MACF1: variants seen among roughly 807,000 people sequenced by gnomAD.
The protein encoded by MACF1 is microtubule-actin cross-linking factor 1.
Under a neutral mutation model 854.8 loss-of-function variants are expected in MACF1, and 193 were observed. That is an observed-to-expected ratio of 0.23 (90% CI 0.20 to 0.25). MACF1 has a LOEUF of 0.25. MACF1 is among the 10% of genes least tolerant of loss of function. The pLI is 1.00. For missense variants in MACF1, 7,722 were observed against 8,929.1 expected, an observed-to-expected ratio of 0.86 and a Z score of 5.45; for synonymous variants, 3,185 against 3,226.7, an observed-to-expected ratio of 0.99 and a Z score of 0.44.
rs777731862 is a variant in MACF1, at chr1:39,315,573, G to C, written c.3331G>C (p.Asp1111His). The C allele has an allele frequency of 6.2e-7, 1 of 1,614,164 alleles. No homozygotes were observed. Among genetic ancestry groups the C allele is most frequent in the Non-Finnish European group, 8.5e-7 (1 of 1,180,016 alleles). The change falls in exon 27 of 101, where the codon GAC becomes CAC. Residue 1111 changes from aspartate (D) to histidine (H), a missense_variant. Around this residue, in one of 15 missense-constraint regions of MACF1, gnomAD observed 1,137 missense variants for 1,263.0 expected, o/e 0.90. Coordinates refer to ENST00000564288, the MANE Select transcript of MACF1 (RefSeq NM_001394062.1). ...CTTGGATGCAGTTTCTATGAAATGT[G>C]ACAGCTTTCTCCATCAGTCTCCATC... ...SDLDAVSMKC[D>H]SFLHQSPSSS...
At chr1:39,464,428 A>C (rs1270411428) in intron 94 of MACF1, 1 of 153,142 alleles carries the variant, frequency 6.5e-6, no homozygotes, top group Non-Finnish European at 1.5e-5. Flanking sequence ...CCCATGCTGC[A>C]GTCTCCTGAG....
intron 2 of MACF1, among the ~76,000 whole-genome samples, chr1:39,117,354 C>CGCCACAGTGT (rs1642573286): frequency 6.6e-6 from 1 of 152,126 alleles, no homozygotes; most frequent in South Asian, 2.1e-4. Flanking sequence ...TTGCCATGTT[C>CGCCACAGTGT]GCCACAGTGT....
intron 2 of MACF1, among the ~76,000 whole-genome samples, chr1:39,133,025 T>A (rs1643048514): frequency 6.6e-6 from 1 of 152,206 alleles, no homozygotes; most frequent in African/African-American, 2.4e-5. Flanking sequence ...ACTCAGCCCT[T>A]TTTGTGCCTA....
chr1:39,094,138 G>T (rs1641879318), intron 2 of MACF1, among the ~76,000 whole-genome samples: 1 of 152,034 alleles, frequency 6.6e-6, no homozygotes, highest in Non-Finnish European at 1.5e-5. Flanking sequence ...CTGTGCTTCT[G>T]ACTGACTGGC....
At chr1:39,310,011 A>AT (rs1646269145) in intron 24 of MACF1, among the ~76,000 whole-genome samples, 1 of 152,210 alleles carries the variant, frequency 6.6e-6, no homozygotes, top group African/African-American at 2.4e-5. Context: ...CTTGTGAACA[A>AT]TTATTAAGAG....
In MACF1 at chr1:39,265,252, T is replaced by C. The variant is rs79413694; in HGVS notation, c.528+7224T>C. On this transcript the variant is annotated intron_variant, in intron 6 of 100. Coordinates refer to ENST00000564288, the MANE Select transcript of MACF1 (RefSeq NM_001394062.1). Reference sequence around the variant, plus strand: ...TGAGGCACCATTTGTGTTTTTGGAATGAATGAATGAATGAGTTCTTTTGCT... The same window carrying C: ...TGAGGCACCATTTGTGTTTTTGGAACGAATGAATGAATGAGTTCTTTTGCT... Among the ~76,000 whole-genome samples, 1,452 of 152,218 alleles carry C rather than the reference T, an allele frequency of 9.5e-3. 24 individuals are homozygous for C. Among genetic ancestry groups the C allele is most frequent in the African/African-American group, 0.033 (1,380 of 41,532 alleles).
intron 38 of MACF1, among the ~76,000 whole-genome samples, chr1:39,340,188 AC>A (rs1356380705): frequency 3.3e-5 from 5 of 152,176 alleles, no homozygotes; most frequent in Admixed American, 3.3e-4. Flanking sequence ...GAGGGAGCAC[AC>A]TGCACTGAGT....
At position 39,336,450 on chromosome 1, in the gene MACF1, C is replaced by T. The variant is rs1646811792; in HGVS notation, c.9862C>T (p.Gln3288Ter). ...GTCTCAAAAAGAGAATACAGGGCAA[C>T]AGAATGCCATCATTAGTCCTACTGT... The part of the protein sequence containing the change: ...GVSQKENTGQ[Q>*]NAIISPTVLE... The change falls in exon 37 of 101, where the codon CAG (glutamine) becomes TAG (stop). Residue 3288 changes from glutamine (Q) to a stop codon, truncating the protein, a stop_gained. Transcript: ENST00000564288. LOFTEE classifies it high-confidence loss of function. 2 of 1,614,098 alleles carry T rather than the reference C, an allele frequency of 1.2e-6. No individual in the cohort carries two copies. The highest frequency in any genetic ancestry group is 1.7e-6 in the Non-Finnish European group (2 of 1,179,974).
chr1:39,322,595 C>G lies in MACF1; in HGVS notation c.4030-13C>G. The G allele has an allele frequency of 6.3e-7, 1 of 1,599,668 alleles. No individual in the cohort carries two copies. Among genetic ancestry groups the G allele is most frequent in the Non-Finnish European group, 8.6e-7 (1 of 1,167,036 alleles). The stretch of plus-strand genomic sequence containing the variant: ...AACCCTGAGTAACTGTAGCGAAATT[C>G]ATCCTTTCCTAGGACTATGAATTGC... On this transcript the variant is annotated splice_polypyrimidine_tract_variant and intron_variant, in intron 31 of 100. Coordinates refer to ENST00000564288, the MANE Select transcript of MACF1 (RefSeq NM_001394062.1).
chr1:39,387,934 A>G lies in MACF1; in HGVS notation c.15092A>G (p.His5031Arg), dbSNP rs759644609. The G allele has an allele frequency of 1.2e-6, 2 of 1,614,006 alleles. No individual in the cohort carries two copies. The highest frequency in any genetic ancestry group is 2.2e-5 in the South Asian group (2 of 91,082). The change falls in exon 58 of 101, where the codon CAC becomes CGC. Residue 5031 changes from histidine to arginine, a missense_variant. Coordinates refer to ENST00000564288, the MANE Select transcript of MACF1 (RefSeq NM_001394062.1). ...GAAAAGAAGGTTGAAGGAGCCAAACACCAACTTGAGATCTTTGATGCTCTG... is the reference window on the plus strand; with the variant it reads ...GAAAAGAAGGTTGAAGGAGCCAAACGCCAACTTGAGATCTTTGATGCTCTG... ...NIEKKVEGAK[H>R]QLEIFDALGS...
chr1:39,152,104 A>T (rs555939928), intron 2 of MACF1, among the ~76,000 whole-genome samples: 144 of 152,154 alleles, frequency 9.5e-4, no homozygotes, highest in Admixed American at 2.0e-3. Context: ...CCTCCCAAGT[A>T]GCTGGGATTA....
intron 2 of MACF1, among the ~76,000 whole-genome samples, chr1:39,145,492 A>G (rs1399050593): frequency 1.3e-5 from 2 of 151,702 alleles, no homozygotes; most frequent in Non-Finnish European, 2.9e-5. Context: ...CTTTAAGCTT[A>G]TCTCTTCTTC....
In MACF1 at chr1:39,387,968, A is replaced by C. The variant is rs147777128; in HGVS notation, c.15126A>C (p.Gln5042His). 4.9e-3 allele frequency: 7,959 copies of C among 1,614,076 alleles called. 34 individuals are homozygous for C. The highest frequency in any genetic ancestry group is 5.9e-3 in the Non-Finnish European group (6,969 of 1,180,014). Residue 5042 changes from glutamine to histidine, a missense_variant, in exon 58 of 101, where the codon CAA becomes CAC. Around this residue, in one of 15 missense-constraint regions of MACF1, gnomAD observed 2,807 missense variants for 3,235.8 expected, o/e 0.87. Coordinates refer to ENST00000564288, the MANE Select transcript of MACF1 (RefSeq NM_001394062.1). The stretch of plus-strand genomic sequence containing the variant: ...AGATCTTTGATGCTCTGGGTTCTCA[A>C]GCCTGTAGCAACAAGAACCTGGAGA... Reference protein sequence around the residue: ...QLEIFDALGSQACSNKNLEKL... With the variant: ...QLEIFDALGSHACSNKNLEKL...
intron 1 of MACF1, among the ~76,000 whole-genome samples, chr1:39,220,840 A>C (rs1466997110): frequency 6.6e-6 from 1 of 152,180 alleles, no homozygotes; most frequent in Non-Finnish European, 1.5e-5. Flanking sequence ...CAATTCAGAT[A>C]CAGAAATGGA....
intron 51 of MACF1, among the ~76,000 whole-genome samples, chr1:39,371,319 CAAAA>C (rs764951315): frequency 1.4e-4 from 11 of 81,276 alleles, no homozygotes; most frequent in Admixed American, 2.6e-4. Context: ...GACTCTGTCT[CAAAA>C]AAAAAAAAAA....
chr1:39,179,308 C>T (rs982513133), intron 2 of MACF1, among the ~76,000 whole-genome samples: 2 of 152,142 alleles, frequency 1.3e-5, no homozygotes, highest in Non-Finnish European at 2.9e-5. Context: ...GACTTAGCTG[C>T]CCTTCTGCAT....
In MACF1 at chr1:39,171,203, T is replaced by TTGTGTGTG. The variant is rs147517281; in HGVS notation, c.221-59961_221-59954dup. On this transcript the variant is annotated intron_variant, in intron 2 of 93. Transcript: ENST00000361689. ...TTTTACATAATTGTAATCTTTCTGT[T>TTGTGTGTG]TGTGTGTGTGTGTGTGTGTGTGTGT... 8.8e-3 allele frequency among the ~76,000 whole-genome samples: 1,289 copies of TTGTGTGTG among 146,332 alleles called. 12 individuals carry two copies. Among genetic ancestry groups the TTGTGTGTG allele is most frequent in the Middle Eastern group, 0.024 (7 of 290 alleles).
chr1:39,479,110 A>G (rs1644967015), intron 97 of MACF1, among the ~76,000 whole-genome samples: 1 of 152,208 alleles, frequency 6.6e-6, no homozygotes, highest in African/African-American at 2.4e-5. Context: ...TGCCGACTCC[A>G]CGTTCTTTGC....
At chr1:39,094,651 G>A (rs1399924317) in intron 2 of MACF1, among the ~76,000 whole-genome samples, 4 of 151,868 alleles carry the variant, frequency 2.6e-5, no homozygotes, top group Non-Finnish European at 5.9e-5. Flanking sequence ...CTGGGAGGCG[G>A]AAGTTGCGGT....
Sources: allele counts gnomAD v4.1 joint callset (sites outside exome capture counted in the v4.1 genomes callset), GRCh38; gene constraint gnomAD v4.1.1; regional missense constraint gnomAD v4.1.1; transcripts MANE v1.5; gene names NCBI Gene and HGNC (gene_info 2026-07-23, HGNC 2026-07-21).